The following NEK11 variants were observed in gnomAD, a reference collection of about 807,000 sequenced individuals.
NEK11 encodes serine/threonine-protein kinase Nek11.
Under a neutral mutation model 80.7 loss-of-function variants are expected in NEK11, and 72 were observed. The observed-to-expected ratio is 0.89, with a 90% CI of 0.74 to 1.08. NEK11 has a LOEUF of 1.08. Ranked by LOEUF, NEK11 falls within the 50% of genes least tolerant of loss-of-function variation. The pLI is 0.00. For missense variants in NEK11, 764 were observed against 763.6 expected, an observed-to-expected ratio of 1.00 and a Z score of -0.01; for synonymous variants, 251 against 260.7, an observed-to-expected ratio of 0.96 and a Z score of 0.36.
intron 17 of NEK11, among the ~76,000 whole-genome samples, chr3:131,313,598 G>C (rs977682720): frequency 6.6e-6 from 1 of 151,774 alleles, no homozygotes; most frequent in African/African-American, 2.4e-5. Context: ...TCATATGTTT[G>C]TTGGCCACAC....
At chr3:131,227,066 C>A (rs146518589) in intron 14 of NEK11, among the ~76,000 whole-genome samples, 1 of 150,878 alleles carries the variant, frequency 6.6e-6, no homozygotes, top group African/African-American at 2.4e-5. Context: ...AAAAAAAATA[C>A]GCTGTGTTGA....
chr3:131,336,015 A>G (rs145544319), intron 17 of NEK11, among the ~76,000 whole-genome samples: 1,560 of 152,350 alleles, frequency 0.01, 23 homozygotes, highest in African/African-American at 0.034. Flanking sequence ...GGTAGGAAGA[A>G]TCAATATCAT....
intron 3 of NEK11, among the ~76,000 whole-genome samples, chr3:131,069,308 G>A (rs575686413): frequency 9.2e-5 from 14 of 152,026 alleles, no homozygotes; most frequent in African/African-American, 3.1e-4. Flanking sequence ...TGATTTTATT[G>A]TCATCTGATT....
At chr3:131,141,117 G>A (rs1377547806) in intron 7 of NEK11, among the ~76,000 whole-genome samples, 1 of 152,052 alleles carries the variant, frequency 6.6e-6, no homozygotes, top group Non-Finnish European at 1.5e-5. Flanking sequence ...TACCAGAATA[G>A]CTCATACCTT....
At chr3:131,300,763 A>G (rs1348111274) in intron 17 of NEK11, among the ~76,000 whole-genome samples, 3 of 151,994 alleles carry the variant, frequency 2.0e-5, no homozygotes, top group African/African-American at 7.2e-5. Flanking sequence ...ACCAGTACAT[A>G]CTGTTTTAGT....
Position 131,058,606 on chromosome 3 carries a change from A to G in NEK11, c.171-21817A>G, listed in dbSNP as rs1235462190. 2.6e-5 allele frequency among the ~76,000 whole-genome samples: 4 copies of G among 152,294 alleles called. No homozygotes were observed. The South Asian group carries it at 6.2e-4, about 24-fold the overall frequency. ...ATTGTATTTTATGTAAATACAACCC[A>G]TTGACTTATCTTCATCTCTTTATGC... On this transcript the variant is annotated intron_variant, in intron 3 of 17. Coordinates refer to ENST00000383366, the MANE Select transcript of NEK11 (RefSeq NM_024800.5).
rs528725876 is a variant in NEK11, at chr3:131,083,469, T to C, written c.336+2881T>C. ...ACTCCTGAGGAGTGACTTGCACAGA[T>C]TGCTCCGTTCTTGTTAACAGAGATA... is the stretch of plus-strand genomic sequence containing the variant. On this transcript the variant is annotated intron_variant, in intron 4 of 17. Transcript: ENST00000383366. Among the ~76,000 whole-genome samples, 18 of 152,338 alleles carry C rather than the reference T, an allele frequency of 1.2e-4. No homozygotes were observed. In the East Asian group the frequency reaches 3.5e-3, roughly 29 times the overall value.
chr3:131,134,519 G>A (rs1168645316), intron 7 of NEK11, among the ~76,000 whole-genome samples: 2 of 151,786 alleles, frequency 1.3e-5, no homozygotes, highest in Non-Finnish European at 2.9e-5. Flanking sequence ...TCCTGCCTCA[G>A]CCTCCCTAGT....
chr3:131,255,850 A>T (rs984347425), intron 16 of NEK11, among the ~76,000 whole-genome samples: 2 of 152,164 alleles, frequency 1.3e-5, no homozygotes, highest in Non-Finnish European at 2.9e-5. Flanking sequence ...TGGGTTGCCA[A>T]CTGATTAGAC....
At chr3:131,171,883 G>A (rs1266317077) in intron 14 of NEK11, among the ~76,000 whole-genome samples, 2 of 152,204 alleles carry the variant, frequency 1.3e-5, no homozygotes, top group African/African-American at 4.8e-5. Context: ...GAATACATGA[G>A]TGAATGTTAG....
rs2096003136 is a variant in NEK11, at chr3:131,264,390, T to TA, written c.1622-9086dup. On this transcript the variant is annotated intron_variant, in intron 16 of 17. Transcript: ENST00000383366. ...AACCCATCTTGAATTAATTTTTGTATAAGGTGTAAGGAAGGGATCCAGTTT... is the reference window on the plus strand; with the variant it reads ...AACCCATCTTGAATTAATTTTTGTATAAAGGTGTAAGGAAGGGATCCAGTTT... Among the ~76,000 whole-genome samples the TA allele has an allele frequency of 2.0e-5, 3 of 152,334 alleles. No individual in the cohort carries two copies. The South Asian group carries it at 6.2e-4, about 32-fold the overall frequency.
chr3:131,329,803 AAAG>A (rs549943343), intron 17 of NEK11: 1 of 152,460 alleles, frequency 6.6e-6, no homozygotes, highest in Non-Finnish European at 1.5e-5. Flanking sequence ...TAATGCGTTC[AAAG>A]AAGAGCAAGG....
intron 17 of NEK11, among the ~76,000 whole-genome samples, chr3:131,287,362 C>T (rs1479801519): frequency 6.6e-6 from 1 of 152,170 alleles, no homozygotes; most frequent in African/African-American, 2.4e-5. Flanking sequence ...CAACCTCCGC[C>T]TCCTGGGTTC....
chr3:131,087,401 G>T (rs187347617), intron 4 of NEK11, among the ~76,000 whole-genome samples: 2 of 151,798 alleles, frequency 1.3e-5, no homozygotes, highest in African/African-American at 4.8e-5. Context: ...GTGCCACCAC[G>T]CCCAGCTAAT....
chr3:131,284,792 T>G (rs1159758988), intron 17 of NEK11, among the ~76,000 whole-genome samples: 1 of 152,222 alleles, frequency 6.6e-6, no homozygotes, highest in Non-Finnish European at 1.5e-5. Context: ...GCTCTTGGAC[T>G]CTTGGACTTA....
intron 3 of NEK11, among the ~76,000 whole-genome samples, chr3:131,058,063 G>A (rs1252259013): frequency 6.6e-6 from 1 of 151,434 alleles, no homozygotes; most frequent in African/African-American, 2.4e-5. Context: ...ATTAATTTTT[G>A]TATAAGGTGT....
chr3:131,275,469 T>C (rs761846815), intron 17 of NEK11, among the ~76,000 whole-genome samples: 17 of 152,226 alleles, frequency 1.1e-4, no homozygotes, highest in Non-Finnish European at 2.2e-4. Context: ...TCCTAGTGTG[T>C]TGTTTTTTTT....
intron 3 of NEK11, among the ~76,000 whole-genome samples, chr3:131,050,441 G>T (rs2068180174): frequency 6.6e-6 from 1 of 152,098 alleles, no homozygotes; most frequent in Non-Finnish European, 1.5e-5. Flanking sequence ...TTTAATTCTG[G>T]CCTCATTTAT....
At chr3:131,239,608 C>T (rs1193216552) in intron 15 of NEK11, among the ~76,000 whole-genome samples, 2 of 152,180 alleles carry the variant, frequency 1.3e-5, no homozygotes. Context: ...TCAGTATAGC[C>T]TACCAGCCAG....
Sources: gnomAD v4.1 joint callset for allele counts (sites outside exome capture counted in the v4.1 genomes callset) on GRCh38, gnomAD v4.1.1 for gene constraint, MANE v1.5 for transcripts, NCBI Gene and HGNC (gene_info 2026-07-23, HGNC 2026-07-21) for gene names.